The following OSBPL6 variants were observed in gnomAD, a reference collection of about 807,000 sequenced individuals.
OSBPL6 encodes the protein oxysterol-binding protein-related protein 6.
Under a neutral mutation model 125.8 loss-of-function variants are expected in OSBPL6, and 49 were observed. The observed-to-expected ratio is 0.39, with a 90% CI of 0.31 to 0.49. The LOEUF (loss-of-function observed/expected upper bound fraction) is 0.49. Among genes scored for constraint, OSBPL6 ranks in the 20% least tolerant of loss-of-function variants. OSBPL6 has a pLI of 0.88. For synonymous variants in OSBPL6, 394 were observed against 391.8 expected, an observed-to-expected ratio of 1.01 and a Z score of -0.07; for missense variants, 986 against 1,135.4, an observed-to-expected ratio of 0.87 and a Z score of 1.89.
intron 5 of OSBPL6, 95 bp from the exon 6 acceptor site, chr2:178,331,457 G>T: frequency 7.9e-7 from 1 of 1,265,148 alleles, no homozygotes; most frequent in South Asian, 1.2e-5. Flanking sequence ...CAAACATATT[G>T]ATTAATAAAT....
chr2:178,364,617 A>G (rs1406165841), intron 13 of OSBPL6, among the ~76,000 whole-genome samples: 1 of 152,184 alleles, frequency 6.6e-6, no homozygotes. Flanking sequence ...ATAACTGGGT[A>G]TGTGAAAGTT....
chr2:178,324,319 G>T, intron 4 of OSBPL6, 50 bp downstream of exon 4: 1 of 1,335,908 alleles, frequency 7.5e-7, no homozygotes. Flanking sequence ...GCCTGCTCTG[G>T]GGCCAATTGA....
At chr2:178,233,730 A>G (rs756380908) in intron 1 of OSBPL6, among the ~76,000 whole-genome samples, 10 of 152,310 alleles carry the variant, frequency 6.6e-5, no homozygotes, top group Non-Finnish European at 1.5e-4. Flanking sequence ...CTGGCCATGG[A>G]CAGGCTATTT....
At chr2:178,218,198 T>G (rs748040069) in intron 1 of OSBPL6, among the ~76,000 whole-genome samples, 4 of 152,212 alleles carry the variant, frequency 2.6e-5, no homozygotes, top group Non-Finnish European at 5.9e-5. Context: ...AACCAGACTG[T>G]GCTTTTGAAA....
intron 1 of OSBPL6, among the ~76,000 whole-genome samples, chr2:178,231,649 T>A (rs1438314297): frequency 7.0e-6 from 1 of 143,130 alleles, no homozygotes; most frequent in Non-Finnish European, 1.5e-5. Context: ...TTTTTTTTTT[T>A]TTTTTTTTTT....
intron 12 of OSBPL6, among the ~76,000 whole-genome samples, chr2:178,355,656 G>T (rs1255075401): frequency 1.3e-5 from 2 of 152,106 alleles, no homozygotes; most frequent in Non-Finnish European, 2.9e-5. Flanking sequence ...TCTACCAGAG[G>T]TACAAAGAGG....
At chr2:178,294,716 AT>A (rs34851252) in intron 2 of OSBPL6, among the ~76,000 whole-genome samples, 2,409 of 142,008 alleles carry the variant, frequency 0.017, 32 homozygotes, top group East Asian at 0.07. Flanking sequence ...CACCACAGCT[AT>A]TTTTTTTTTT....
At chr2:178,211,524 A>C (rs1255622830) in intron 1 of OSBPL6, among the ~76,000 whole-genome samples, 2 of 152,150 alleles carry the variant, frequency 1.3e-5, no homozygotes, top group African/African-American at 4.8e-5. Context: ...CTGCCAGAGC[A>C]AGATTGCTTC....
In OSBPL6 at chr2:178,230,746, T is replaced by C. The variant is rs375984599; in HGVS notation, c.-351+36072T>C. ...TCTGTCTACCTACCTAGATTATAAATATAAAAAAGAAATTGGATTATGCTT... is the reference window on the plus strand; with the variant it reads ...TCTGTCTACCTACCTAGATTATAAACATAAAAAAGAAATTGGATTATGCTT... On this transcript the variant is annotated intron_variant, in intron 1 of 24. Transcript: ENST00000190611. Among the ~76,000 whole-genome samples, 43 of 152,322 alleles carry C rather than the reference T, an allele frequency of 2.8e-4. No individual in the cohort carries two copies. The South Asian group carries it at 8.5e-3, about 30-fold the overall frequency.
chr2:178,209,205 C>CT (rs2089711774), intron 1 of OSBPL6, among the ~76,000 whole-genome samples: 1 of 152,056 alleles, frequency 6.6e-6, no homozygotes, highest in African/African-American at 2.4e-5. Context: ...TCCCTGTTCT[C>CT]TTTTTCTGGA....
At chr2:178,255,163 G>A (rs571194247) in intron 1 of OSBPL6, among the ~76,000 whole-genome samples, 6 of 152,294 alleles carry the variant, frequency 3.9e-5, no homozygotes, top group African/African-American at 1.4e-4. Flanking sequence ...AATTAGCTGG[G>A]CGTGGTAGCA....
intron 2 of OSBPL6, among the ~76,000 whole-genome samples, chr2:178,292,176 A>T (rs550464492): frequency 6.6e-6 from 1 of 151,990 alleles, no homozygotes; most frequent in Non-Finnish European, 1.5e-5. Flanking sequence ...TAAACTTTTA[A>T]CCCGTCTTCT....
chr2:178,235,365 T>A (rs1362366273), intron 1 of OSBPL6, among the ~76,000 whole-genome samples: 1 of 150,280 alleles, frequency 6.7e-6, no homozygotes, highest in Non-Finnish European at 1.5e-5. Context: ...CTTTTTTTTT[T>A]CCTTTTTCTT....
intron 2 of OSBPL6, among the ~76,000 whole-genome samples, chr2:178,287,149 TAAAAAAA>T (rs66530877): frequency 1.6e-5 from 2 of 125,446 alleles, no homozygotes; most frequent in African/African-American, 5.4e-5. Context: ...CTTCTTTTTT[TAAAAAAA>T]AAAAAAAAAA....
At chr2:178,232,980 C>T (rs1363421371) in intron 1 of OSBPL6, among the ~76,000 whole-genome samples, 5 of 152,134 alleles carry the variant, frequency 3.3e-5, no homozygotes, top group African/African-American at 1.2e-4. Flanking sequence ...TAATTGCAAC[C>T]GACACTGGAT....
intron 2 of OSBPL6, among the ~76,000 whole-genome samples, chr2:178,285,503 G>A (rs1206677801): frequency 1.3e-5 from 2 of 152,086 alleles, no homozygotes; most frequent in Non-Finnish European, 2.9e-5. Context: ...TTGACTACAG[G>A]TACACATTCT....
rs891252932 is a variant in OSBPL6 at position 178,402,203 on chromosome 2, C to A, written c.*6644C>A. 1.3e-5 allele frequency: 2 copies of A among 152,164 alleles called. No homozygotes were observed. The highest frequency in any genetic ancestry group is 4.8e-5 in the African/African-American group (2 of 41,432). The allele number at this position is 152,164 out of a possible 1,614,324, so 9.4% of individuals were successfully genotyped here. A position where few individuals can be genotyped will look rare whatever the true frequency, so the allele number is the denominator to read the frequency against. On this transcript the variant is annotated 3_prime_UTR_variant, in exon 25 of 25. Coordinates refer to ENST00000190611, the MANE Select transcript of OSBPL6 (RefSeq NM_032523.4). ...GTCATTTTCTTGACTTCTGTCCCAA[C>A]GCCAGCCCTGTAATATGGAGATAAA...
At chr2:178,351,608 A>G (rs1284688795) in intron 12 of OSBPL6, among the ~76,000 whole-genome samples, 1 of 152,244 alleles carries the variant, frequency 6.6e-6, no homozygotes, top group African/African-American at 2.4e-5. Flanking sequence ...AAGATATTCC[A>G]TACTCATGGA....
chr2:178,326,974 T>C (rs1688747442), intron 4 of OSBPL6, among the ~76,000 whole-genome samples: 1 of 151,748 alleles, frequency 6.6e-6, no homozygotes, highest in Non-Finnish European at 1.5e-5. Context: ...TAGCCATACC[T>C]AAGAATGATA....
Sources: gnomAD v4.1 joint callset for allele counts (sites outside exome capture counted in the v4.1 genomes callset) on GRCh38, gnomAD v4.1.1 for gene constraint, MANE v1.5 for transcripts, NCBI Gene and HGNC (gene_info 2026-07-23, HGNC 2026-07-21) for gene names.